Variants in EPHA3 observed in about 807,000 individuals in gnomAD.
EPHA3 encodes EPH receptor A3, also known as ephrin type-A receptor 3.
A neutral mutation model predicts 107.1 loss-of-function variants in EPHA3; 42 were observed. The ratio of observed to expected loss-of-function variants is 0.39; its 90% confidence interval spans 0.31 to 0.51. The LOEUF (loss-of-function observed/expected upper bound fraction) is 0.51. Ranked by LOEUF, EPHA3 falls within the 20% of genes least tolerant of loss-of-function variation. The pLI is 0.78. For missense variants in EPHA3, 1,183 were observed against 1,211.2 expected, an observed-to-expected ratio of 0.98 and a Z score of 0.35; for synonymous variants, 461 against 424.8, an observed-to-expected ratio of 1.09 and a Z score of -1.05.
chr3:89,395,915 A>T lies in EPHA3; in HGVS notation c.1385A>T (p.His462Leu), dbSNP rs1475098621. The change falls in exon 6 of 17, where the codon CAT (histidine) becomes CTT (leucine). Residue 462 changes from histidine (H) to leucine (L), a missense_variant. Coordinates refer to ENST00000336596, the MANE Select transcript of EPHA3 (RefSeq NM_005233.6). ...TCTTTGTCCTGGCAAGAACCTGAAC[A>T]TCCTAATGGGATCATATTGGACTAC... ...SISLSWQEPEHPNGIILDYEV... is the reference protein window; with the variant it reads ...SISLSWQEPELPNGIILDYEV... The T allele has an allele frequency of 1.2e-6, 2 of 1,613,938 alleles. No individual in the cohort carries two copies. Among genetic ancestry groups the T allele is most frequent in the African/African-American group, 2.7e-5 (2 of 74,934 alleles).
chr3:89,382,047 A>G (rs533201311), intron 5 of EPHA3, among the ~76,000 whole-genome samples: 1 of 152,298 alleles, frequency 6.6e-6, no homozygotes, highest in East Asian at 1.9e-4. Flanking sequence ...CCAAATAGCC[A>G]GCTATTTCTT....
At chr3:89,385,334 TC>T (rs1708593680) in intron 5 of EPHA3, among the ~76,000 whole-genome samples, 1 of 152,144 alleles carries the variant, frequency 6.6e-6, no homozygotes, top group African/African-American at 2.4e-5. Flanking sequence ...GTTCCCACAA[TC>T]CCCACATGTT....
intron 3 of EPHA3, among the ~76,000 whole-genome samples, chr3:89,256,115 G>C (rs1033888833): frequency 1.3e-5 from 2 of 151,916 alleles, no homozygotes; most frequent in African/African-American, 4.8e-5. Flanking sequence ...GCCAGGCACA[G>C]TGGAGCGTAC....
chr3:89,210,622 AAAAC>A, intron 3 of EPHA3, 102 bp downstream of exon 3: 1 of 1,244,324 alleles, frequency 8.0e-7, no homozygotes, highest in South Asian at 1.6e-5. Flanking sequence ...ACTTGGCAGG[AAAAC>A]ATGCCTCAAA....
intron 8 of EPHA3, 24 bp downstream of exon 8, chr3:89,407,395 A>G (rs377167270): frequency 7.0e-6 from 11 of 1,579,040 alleles, no homozygotes; most frequent in Non-Finnish European, 9.6e-6. Flanking sequence ...CTGTTTCACT[A>G]TTCACTTTCT....
At chr3:89,187,667 A>G (rs1705602366) in intron 2 of EPHA3, among the ~76,000 whole-genome samples, 1 of 152,098 alleles carries the variant, frequency 6.6e-6, no homozygotes. Context: ...ACTGGTAAAT[A>G]CTGTAGAAAA....
intron 3 of EPHA3, among the ~76,000 whole-genome samples, chr3:89,279,602 G>T (rs1705892168): frequency 6.6e-6 from 1 of 151,910 alleles, no homozygotes; most frequent in East Asian, 1.9e-4. Context: ...GTAAAACTTT[G>T]GCTAATTGAT....
At chr3:89,185,535 G>A (rs925568722) in intron 2 of EPHA3, among the ~76,000 whole-genome samples, 2 of 152,010 alleles carry the variant, frequency 1.3e-5, no homozygotes, top group Non-Finnish European at 2.9e-5. Flanking sequence ...TCAATTCCCT[G>A]GTCCTCCTCT....
At chr3:89,254,309 A>T (rs1451799454) in intron 3 of EPHA3, among the ~76,000 whole-genome samples, 2 of 152,190 alleles carry the variant, frequency 1.3e-5, no homozygotes, top group Non-Finnish European at 2.9e-5. Flanking sequence ...TCAAATAGTC[A>T]ATAATCCTTG....
At chr3:89,328,449 AAC>A (rs1707218322) in intron 3 of EPHA3, among the ~76,000 whole-genome samples, 1 of 152,224 alleles carries the variant, frequency 6.6e-6, no homozygotes, top group South Asian at 2.1e-4. Flanking sequence ...CTGTGAAACT[AAC>A]AGTCACTGGA....
intron 3 of EPHA3, among the ~76,000 whole-genome samples, chr3:89,332,608 G>T (rs1336090471): frequency 6.6e-6 from 1 of 152,204 alleles, no homozygotes; most frequent in Non-Finnish European, 1.5e-5. Flanking sequence ...AGATGGCAAA[G>T]AATAGAGTTC....
intron 1 of EPHA3, among the ~76,000 whole-genome samples, chr3:89,115,578 G>A (rs1330899368): frequency 6.6e-6 from 1 of 152,156 alleles, no homozygotes. Flanking sequence ...AAATCCTGTA[G>A]ACTTCAAGAC....
chr3:89,305,246 A>C (rs1272907890), intron 3 of EPHA3, among the ~76,000 whole-genome samples: 1 of 152,138 alleles, frequency 6.6e-6, no homozygotes, highest in East Asian at 1.9e-4. Flanking sequence ...TTATAGTTTT[A>C]TACTTTTCAA....
intron 3 of EPHA3, among the ~76,000 whole-genome samples, chr3:89,309,258 T>G (rs1706707299): frequency 6.6e-6 from 1 of 152,106 alleles, no homozygotes; most frequent in Non-Finnish European, 1.5e-5. Context: ...TTTCCACAAA[T>G]ATTTTCAAGA....
chr3:89,396,450 A>G (rs893994754), intron 6 of EPHA3, among the ~76,000 whole-genome samples: 3 of 152,202 alleles, frequency 2.0e-5, no homozygotes, highest in Non-Finnish European at 4.4e-5. Flanking sequence ...AGGAAATTTA[A>G]AAGGTTGGGG....
At chr3:89,149,719 A>G (rs2107039684) in intron 2 of EPHA3, among the ~76,000 whole-genome samples, 1 of 149,816 alleles carries the variant, frequency 6.7e-6, no homozygotes, top group South Asian at 2.1e-4. Flanking sequence ...GCATTACAAA[A>G]TTCCTGTGGA....
chr3:89,348,008 T>G (rs1178345635), intron 5 of EPHA3, among the ~76,000 whole-genome samples: 1 of 150,816 alleles, frequency 6.6e-6, no homozygotes, highest in Non-Finnish European at 1.5e-5. Flanking sequence ...GCTGCTGGAT[T>G]CGATTTGCCA....
intron 13 of EPHA3, among the ~76,000 whole-genome samples, chr3:89,440,948 T>C (rs1308056582): frequency 2.0e-5 from 3 of 152,240 alleles, no homozygotes; most frequent in Admixed American, 6.5e-5. Flanking sequence ...TTGATACTCA[T>C]GTAGGTTTAA....
At chr3:89,443,400 T>C (rs1709821110) in intron 13 of EPHA3, among the ~76,000 whole-genome samples, 1 of 152,196 alleles carries the variant, frequency 6.6e-6, no homozygotes, top group African/African-American at 2.4e-5. Context: ...TCTTAAAATG[T>C]ATTAATGTAA....
Sources: gnomAD v4.1 joint callset for allele counts (sites outside exome capture counted in the v4.1 genomes callset) on GRCh38, gnomAD v4.1.1 for gene constraint, MANE v1.5 for transcripts, NCBI Gene and HGNC (gene_info 2026-07-23, HGNC 2026-07-21) for gene names.